The following FGF10 variants were observed in gnomAD, a reference collection of about 807,000 sequenced individuals.
The protein encoded by FGF10 is FGF-10.
A neutral mutation model predicts 19.8 loss-of-function variants in FGF10; 2 were observed. The ratio of observed to expected loss-of-function variants is 0.10; its 90% confidence interval spans 0.04 to 0.32. The LOEUF (loss-of-function observed/expected upper bound fraction) is 0.32, where lower values mean the gene tolerates loss of function less well. FGF10 is among the 10% of genes least tolerant of loss of function. The pLI is 1.00. For missense variants in FGF10, 191 were observed against 246.3 expected, an observed-to-expected ratio of 0.78 and a Z score of 1.50; for synonymous variants, 112 against 94.0, an observed-to-expected ratio of 1.19 and a Z score of -1.10.
At chr5:44,372,223 C>T (rs939289070) in intron 1 of FGF10, among the ~76,000 whole-genome samples, 1 of 152,112 alleles carries the variant, frequency 6.6e-6, no homozygotes, top group African/African-American at 2.4e-5. Context: ...TCTGGTGCCA[C>T]ATTCCTTGGC....
At chr5:44,356,103 T>C (rs1741340965) in intron 1 of FGF10, among the ~76,000 whole-genome samples, 2 of 151,624 alleles carry the variant, frequency 1.3e-5, no homozygotes, top group Admixed American at 1.3e-4. Context: ...ATAAAAAATA[T>C]TCTTTGCCAA....
At chr5:44,308,793 C>A (rs1487519881) in intron 2 of FGF10, among the ~76,000 whole-genome samples, 1 of 152,156 alleles carries the variant, frequency 6.6e-6, no homozygotes, top group East Asian at 1.9e-4. Flanking sequence ...GGCTACTCTA[C>A]ATCCAGACCA....
chr5:44,388,286 A>G, intron 1 of FGF10, 72 bp downstream of exon 1: 10 of 1,419,290 alleles, frequency 7.0e-6, no homozygotes, highest in Non-Finnish European at 9.0e-6. Flanking sequence ...CCACATCTGG[A>G]ACAGATTTTT....
At chr5:44,387,489 A>G (rs1742130239) in intron 1 of FGF10, among the ~76,000 whole-genome samples, 1 of 152,222 alleles carries the variant, frequency 6.6e-6, no homozygotes, top group Non-Finnish European at 1.5e-5. Context: ...AAGAATGACA[A>G]TGAAATTTGT....
intron 1 of FGF10, among the ~76,000 whole-genome samples, chr5:44,382,979 G>A (rs1478200756): frequency 3.3e-5 from 5 of 151,960 alleles, no homozygotes; most frequent in African/African-American, 1.2e-4. Context: ...AAATCACTTT[G>A]AACTAATACA....
chr5:44,378,742 T>G (rs1004451388), intron 1 of FGF10, among the ~76,000 whole-genome samples: 5 of 152,214 alleles, frequency 3.3e-5, no homozygotes, highest in African/African-American at 1.2e-4. Context: ...TATTTCCCTT[T>G]TTAAACAAAA....
chr5:44,376,490 CAAAAAAAAAAAAAA>C (rs764913349), intron 1 of FGF10, among the ~76,000 whole-genome samples: 1 of 34,550 alleles, frequency 2.9e-5, no homozygotes, highest in Non-Finnish European at 5.6e-5. Context: ...ATACAAATGC[CAAAAAAAAAAAAAA>C]AAAAAAAAAA....
In FGF10 at chr5:44,349,457, T is replaced by TATATATATATATCAGA. The variant is rs1554038094; in HGVS notation, c.325+38885_325+38900dup. Among the ~76,000 whole-genome samples, 81 of 29,778 alleles carry TATATATATATATCAGA rather than the reference T, an allele frequency of 2.7e-3. 2 individuals are homozygous for TATATATATATATCAGA. Among genetic ancestry groups the TATATATATATATCAGA allele is most frequent in the African/African-American group, 9.2e-3 (70 of 7,612 alleles). 19.5% of individuals were successfully genotyped at this position (29,778 alleles called of 152,430 possible). On this transcript the variant is annotated intron_variant, in intron 1 of 2. Coordinates refer to ENST00000264664, the MANE Select transcript of FGF10 (RefSeq NM_004465.2). ...ATATATATATATATATATATATATA[T>TATATATATATATCAGA]ATATATATATATCAGAATATATATA...
chr5:44,360,352 T>C (rs1741451668), intron 1 of FGF10, among the ~76,000 whole-genome samples: 2 of 151,636 alleles, frequency 1.3e-5, no homozygotes, highest in Non-Finnish European at 3.0e-5. Context: ...ATTTGATATC[T>C]TCTGATGGCT....
At chr5:44,387,371 A>G (rs1742126293) in intron 1 of FGF10, among the ~76,000 whole-genome samples, 2 of 152,190 alleles carry the variant, frequency 1.3e-5, no homozygotes, top group Admixed American at 6.5e-5. Context: ...AAAAGGCAAG[A>G]CCAAAATGTA....
At chr5:44,312,201 C>A (rs17234485) in intron 1 of FGF10, among the ~76,000 whole-genome samples, 3 of 151,562 alleles carry the variant, frequency 2.0e-5, no homozygotes, top group African/African-American at 7.3e-5. Flanking sequence ...AAGGTACACA[C>A]ACACACACAC....
At chr5:44,343,048 G>A (rs1741003894) in intron 1 of FGF10, among the ~76,000 whole-genome samples, 1 of 151,944 alleles carries the variant, frequency 6.6e-6, no homozygotes, top group African/African-American at 2.4e-5. Context: ...GTGGGTGTGT[G>A]TTGCCCTTAC....
chr5:44,359,562 G>A (rs1561213850), intron 1 of FGF10, among the ~76,000 whole-genome samples: 1 of 151,450 alleles, frequency 6.6e-6, no homozygotes, highest in Non-Finnish European at 1.5e-5. Context: ...CTGGGCTAAA[G>A]TGTTAAATTA....
chr5:44,346,763 C>T (rs1467112735), intron 1 of FGF10, among the ~76,000 whole-genome samples: 3 of 151,780 alleles, frequency 2.0e-5, no homozygotes. Context: ...TGTTTGATAA[C>T]TTATGCTATC....
chr5:44,324,150 C>A (rs540147154), intron 1 of FGF10, among the ~76,000 whole-genome samples: 2 of 151,540 alleles, frequency 1.3e-5, no homozygotes, highest in African/African-American at 4.9e-5. Flanking sequence ...AGTTCTCATG[C>A]ACATAAAATA....
At chr5:44,342,618 G>A (rs542100104) in intron 1 of FGF10, among the ~76,000 whole-genome samples, 78 of 151,788 alleles carry the variant, frequency 5.1e-4, no homozygotes, top group Non-Finnish European at 9.4e-4. Context: ...GGAAGACAGA[G>A]TACCCTTACA....
chr5:44,343,165 T>C (rs1741007236), intron 1 of FGF10, among the ~76,000 whole-genome samples: 1 of 152,072 alleles, frequency 6.6e-6, no homozygotes, highest in African/African-American at 2.4e-5. Context: ...TTTTTTTGAA[T>C]TTAAATTTCC....
chr5:44,379,438 T>C (rs1236057181), intron 1 of FGF10, among the ~76,000 whole-genome samples: 5 of 152,194 alleles, frequency 3.3e-5, no homozygotes, highest in Non-Finnish European at 7.4e-5. Flanking sequence ...GTTTTACTGA[T>C]GACAACTTGC....
intron 1 of FGF10, among the ~76,000 whole-genome samples, chr5:44,369,939 A>G (rs1741707192): frequency 6.6e-6 from 1 of 151,958 alleles, no homozygotes; most frequent in Non-Finnish European, 1.5e-5. Flanking sequence ...TCACCTCTAC[A>G]CTTAATTTAG....
Sources: allele counts gnomAD v4.1 joint callset (sites outside exome capture counted in the v4.1 genomes callset), GRCh38; gene constraint gnomAD v4.1.1; transcripts MANE v1.5; gene names NCBI Gene and HGNC (gene_info 2026-07-23, HGNC 2026-07-21).